The following GSPT1 variants were observed in gnomAD, a reference collection of about 807,000 sequenced individuals.
GSPT1 encodes the protein eukaryotic peptide chain release factor GTP-binding subunit ERF3A.
Under a neutral mutation model 72.5 loss-of-function variants are expected in GSPT1, and 20 were observed. That is an observed-to-expected ratio of 0.28 (90% confidence interval 0.19 to 0.40). GSPT1 has a LOEUF of 0.40. GSPT1 is among the 10% of genes least tolerant of loss of function. GSPT1 has a pLI of 1.00. For synonymous variants in GSPT1, 334 were observed against 293.5 expected, an observed-to-expected ratio of 1.14 and a Z score of -1.41; for missense variants, 580 against 811.9, an observed-to-expected ratio of 0.71 and a Z score of 3.47.
intron 1 of GSPT1, among the ~76,000 whole-genome samples, chr16:11,912,333 G>C (rs1462819719): frequency 7.8e-6 from 1 of 127,736 alleles, no homozygotes; most frequent in African/African-American, 3.0e-5. Context: ...GGGCAACAGA[G>C]CAAGACTCCG....
intron 14 of GSPT1, among the ~76,000 whole-genome samples, chr16:11,874,364 G>A (rs2054013626): frequency 6.6e-6 from 1 of 151,036 alleles, no homozygotes; most frequent in African/African-American, 2.4e-5. Context: ...TGACTACAGT[G>A]CAGTGAACAC....
At chr16:11,894,487 G>C (rs150051570) in intron 5 of GSPT1, among the ~76,000 whole-genome samples, 16 of 152,236 alleles carry the variant, frequency 1.1e-4, no homozygotes, top group African/African-American at 3.6e-4. Context: ...CCATTCACCA[G>C]ATTCAAGAGC....
intron 12 of GSPT1, among the ~76,000 whole-genome samples, chr16:11,876,762 C>T (rs745721041): frequency 6.6e-6 from 1 of 152,072 alleles, no homozygotes; most frequent in African/African-American, 2.4e-5. Context: ...CAAAAGACAG[C>T]AGGCCAACTT....
intron 6 of GSPT1, among the ~76,000 whole-genome samples, chr16:11,890,370 A>G (rs1042276353): frequency 3.3e-5 from 5 of 152,236 alleles, no homozygotes; most frequent in Non-Finnish European, 7.3e-5. Context: ...TTGCTTCAAT[A>G]TCACACTGCC....
At position 11,886,608 on chromosome 16, in the gene GSPT1, A is replaced by G. The variant is rs750494221; in HGVS notation, c.1116T>C (p.Tyr372=). 20 of 1,608,952 alleles carry G rather than the reference A, an allele frequency of 1.2e-5. 1 individual carries two copies. The South Asian group carries it at 2.1e-4, about 17-fold the overall frequency. Reference sequence around the variant, plus strand: ...GCACTAGTTTCTCCTTACATTCTTCATATCTGCAATTATAATGTAACCAAA... The same window carrying G: ...GCACTAGTTTCTCCTTACATTCTTCGTATCTGCAATTATAATGTAACCAAA... ...DPTVNWSNER[Y]EECKEKLVPF... is the part of the protein sequence containing the mutation. The change falls in exon 9 of 15, where the codon TAT becomes TAC. Residue 372 remains tyrosine (Y), a synonymous_variant. Coordinates refer to ENST00000434724, the MANE Select transcript of GSPT1 (RefSeq NM_002094.4).
At chr16:11,881,466 A>G (rs2054121193) in intron 11 of GSPT1, 1 of 152,154 alleles carries the variant, frequency 6.6e-6, no homozygotes, top group South Asian at 2.1e-4. Flanking sequence ...ATAACATTCA[A>G]CTTTTAAACC....
chr16:11,903,196 C>A (rs1319655899), intron 1 of GSPT1, among the ~76,000 whole-genome samples: 1 of 151,922 alleles, frequency 6.6e-6, no homozygotes, highest in Non-Finnish European at 1.5e-5. Flanking sequence ...GTTGCTTCAC[C>A]ATAATCAAAT....
chr16:11,887,842 C>T (rs1191364770), intron 6 of GSPT1, 92 bp from the exon 7 acceptor site: 7 of 845,234 alleles, frequency 8.3e-6, no homozygotes, highest in South Asian at 1.7e-5. Flanking sequence ...GGATGACACA[C>T]AACACCTAAA....
rs2054190914 is a variant in GSPT1, at chr16:11,886,774, C to T, written c.1112+3G>A. 1 of 1,612,534 alleles carries T rather than the reference C, an allele frequency of 6.2e-7. No homozygotes were observed. Among genetic ancestry groups the T allele is most frequent in the South Asian group, 1.1e-5 (1 of 90,958 alleles). ...ACATAAAATACCAGACATCTACGCT[C>T]ACCTCTCATTGCTCCAATTTACTGT... On this transcript the variant is annotated splice_donor_region_variant and intron_variant, in intron 8 of 14. Transcript: ENST00000434724.
At chr16:11,885,067 CAA>C (rs34407036) in intron 10 of GSPT1, 112 bp downstream of exon 10, 34 of 533,066 alleles carry the variant, frequency 6.4e-5, no homozygotes, top group East Asian at 2.1e-4. Flanking sequence ...AAGATTCTGT[CAA>C]AAAAAAAACA....
intron 5 of GSPT1, among the ~76,000 whole-genome samples, chr16:11,892,531 A>AAAAAAT (rs1567443313): frequency 7.1e-6 from 1 of 139,862 alleles, no homozygotes; most frequent in African/African-American, 2.8e-5. Flanking sequence ...AACAAAAAAA[A>AAAAAAT]CAAAAAATAA....
In GSPT1 at chr16:11,915,840, T is replaced by C. The variant is rs1188021761; in HGVS notation, c.-120A>G. 1.4e-6 allele frequency: 2 copies of C among 1,480,974 alleles called. No individual in the cohort carries two copies. Among genetic ancestry groups the C allele is most frequent in the South Asian group, 2.3e-5 (2 of 88,804 alleles). 91.7% of individuals were successfully genotyped at this position (1,480,974 alleles called of 1,614,324 possible). A position where few individuals can be genotyped will look rare whatever the true frequency, so the allele number is the denominator to read the frequency against. ...GCGGCGGGGCAGAAGGGCCGGGAGC[T>C]AGCGACAAAGATCCCCGGCGTCGCC... On this transcript the variant is annotated 5_prime_UTR_variant, in exon 1 of 15. Transcript: ENST00000434724.
chr16:11,882,695 C>T (rs2054136318), intron 11 of GSPT1: 1 of 208,456 alleles, frequency 4.8e-6, no homozygotes, highest in Non-Finnish European at 9.8e-6. Context: ...TGGCTCACGC[C>T]CGTAATCCTA....
chr16:11,892,507 A>C (rs894456480), intron 5 of GSPT1, among the ~76,000 whole-genome samples: 1 of 75,208 alleles, frequency 1.3e-5, no homozygotes, highest in African/African-American at 7.0e-5. Context: ...ACCCTTTCTC[A>C]AAAAAACAAA....
In GSPT1 at chr16:11,869,212, C is replaced by A. The variant is rs1215231190; in HGVS notation, c.*3907G>T. ...ACTTCCTATTCTTTCTATTCCTATT[C>A]ATTTACTATGAAACCTAATCTAACC... On this transcript the variant is annotated 3_prime_UTR_variant, in exon 15 of 15. Coordinates refer to ENST00000434724, the MANE Select transcript of GSPT1 (RefSeq NM_002094.4). 1 of 152,178 alleles carries A rather than the reference C, an allele frequency of 6.6e-6. No homozygotes were observed. Among genetic ancestry groups the A allele is most frequent in the Non-Finnish European group, 1.5e-5 (1 of 68,022 alleles). 9.4% of individuals were successfully genotyped at this position (152,178 alleles called of 1,614,324 possible). A position where few individuals can be genotyped will look rare whatever the true frequency, so the allele number is the denominator to read the frequency against.
chr16:11,880,667 C>T (rs1057456239), intron 11 of GSPT1, among the ~76,000 whole-genome samples: 1 of 152,172 alleles, frequency 6.6e-6, no homozygotes, highest in Non-Finnish European at 1.5e-5. Flanking sequence ...GTTAGCAGTG[C>T]TAGGCATTTC....
At chr16:11,883,444 TCTC>T (rs1161807470) in intron 10 of GSPT1, among the ~76,000 whole-genome samples, 5 of 5,988 alleles carry the variant, frequency 8.4e-4, no homozygotes, top group Non-Finnish European at 1.2e-3. Context: ...CGAAACCCCA[TCTC>T]TACTAAAAAT....
At chr16:11,895,345 C>T (rs547911322) in intron 4 of GSPT1, 7 of 172,830 alleles carry the variant, frequency 4.1e-5, no homozygotes, top group South Asian at 3.9e-4. Context: ...GCAGGAGAAT[C>T]GCGTGAACTC....
At chr16:11,887,527 G>C (rs1416880033) in intron 7 of GSPT1, 43 bp downstream of exon 7, 1 of 1,477,930 alleles carries the variant, frequency 6.8e-7, no homozygotes, top group East Asian at 2.3e-5. Context: ...TATAAGCGGG[G>C]CTACTAACAA....
Sources: allele counts gnomAD v4.1 joint callset (sites outside exome capture counted in the v4.1 genomes callset), GRCh38; gene constraint gnomAD v4.1.1; transcripts MANE v1.5; gene names NCBI Gene and HGNC (gene_info 2026-07-23, HGNC 2026-07-21).